Variants in SNX29 observed in about 807,000 individuals in gnomAD.
The protein encoded by SNX29 is sorting nexin 29.
Under a neutral mutation model 102.1 loss-of-function variants are expected in SNX29, and 78 were observed. The observed-to-expected ratio is 0.76, with a 90% CI of 0.64 to 0.92. The LOEUF (loss-of-function observed/expected upper bound fraction) is 0.92, where lower values mean the gene tolerates loss of function less well. Among genes scored for constraint, SNX29 ranks in the 40% least tolerant of loss-of-function variants. The probability of loss-of-function intolerance (pLI) is 0.00; values close to 1 mark genes in which losing one functional copy is unlikely to be tolerated. For synonymous variants in SNX29, 580 were observed against 414.5 expected, an observed-to-expected ratio of 1.40 and a Z score of -4.85; for missense variants, 1,280 against 1,061.7, an observed-to-expected ratio of 1.21 and a Z score of -2.86.
intron 20 of SNX29, among the ~76,000 whole-genome samples, chr16:12,544,863 G>A (rs534680959): frequency 1.3e-5 from 2 of 152,346 alleles, no homozygotes; most frequent in African/African-American, 2.4e-5. Context: ...TGCAGCCAGT[G>A]TCAACACAGC....
At chr16:12,557,442 A>ACCT (rs797002647) in intron 20 of SNX29, 2 of 151,886 alleles carry the variant, frequency 1.3e-5, no homozygotes, top group East Asian at 1.9e-4. Context: ...GCTCACTGCA[A>ACCT]CCTCCTCCTC....
chr16:12,356,483 C>T (rs534034532), intron 16 of SNX29, among the ~76,000 whole-genome samples: 1 of 152,256 alleles, frequency 6.6e-6, no homozygotes, highest in South Asian at 2.1e-4. Context: ...AGCAACATTT[C>T]CTGTTTCTCC....
chr16:12,051,883 A>G lies in SNX29; in HGVS notation c.785A>G (p.Lys262Arg). 6.2e-7 allele frequency: 1 copy of G among 1,613,224 alleles called. No individual in the cohort carries two copies. The highest frequency in any genetic ancestry group is 2.2e-5 in the East Asian group (1 of 44,872). The change falls in exon 8 of 21, where the codon AAA becomes AGA. Residue 262 changes from lysine (K) to arginine (R), a missense_variant. Transcript: ENST00000566228. ...AAAAAGGAGCGGAAGAAGAAAAAGA[A>G]AGTGACCAACATAATCTCATTTGAT... ...KCKKERKKKK[K>R]VTNIISFDDE...
intron 14 of SNX29, among the ~76,000 whole-genome samples, chr16:12,230,094 C>T (rs138785374): frequency 2.9e-4 from 44 of 152,254 alleles, no homozygotes; most frequent in Middle Eastern, 3.4e-3. Flanking sequence ...TGCATCAGCC[C>T]GGATTTAGCC....
chr16:12,168,958 C>A (rs115881094), intron 13 of SNX29, among the ~76,000 whole-genome samples: 2,666 of 152,252 alleles, frequency 0.018, 73 homozygotes, highest in African/African-American at 0.061. Context: ...CCCCTTCTGA[C>A]CTGCACGTGC....
At chr16:12,037,337 G>C (rs1385567918) in intron 4 of SNX29, among the ~76,000 whole-genome samples, 1 of 152,122 alleles carries the variant, frequency 6.6e-6, no homozygotes, top group Non-Finnish European at 1.5e-5. Context: ...TCCTGGAGGA[G>C]ACAAGGCCTC....
chr16:12,111,328 G>T (rs2053493569), intron 11 of SNX29, among the ~76,000 whole-genome samples: 1 of 152,172 alleles, frequency 6.6e-6, no homozygotes, highest in Non-Finnish European at 1.5e-5. Context: ...CCATGTTTTT[G>T]CTGTGGCCTG....
chr16:12,174,079 G>A (rs1261483058), intron 13 of SNX29, among the ~76,000 whole-genome samples: 2 of 152,168 alleles, frequency 1.3e-5, no homozygotes, highest in Admixed American at 6.5e-5. Flanking sequence ...ACTGCCCCCG[G>A]CCCCCTGTGC....
intron 19 of SNX29, among the ~76,000 whole-genome samples, 175 bp from the exon 20 acceptor site, chr16:12,524,527 C>T (rs1567653081): frequency 6.6e-6 from 1 of 150,384 alleles, no homozygotes; most frequent in African/African-American, 2.5e-5. Context: ...GAGCATCTTT[C>T]TTGTTATTAC....
chr16:12,549,500 G>T (rs1272071702), intron 20 of SNX29, among the ~76,000 whole-genome samples: 5 of 151,594 alleles, frequency 3.3e-5, no homozygotes, highest in Admixed American at 2.0e-4. Context: ...CACATACAAA[G>T]ATGTTCATGC....
intron 20 of SNX29, among the ~76,000 whole-genome samples, chr16:12,547,265 C>T (rs1238676706): frequency 6.6e-6 from 1 of 152,152 alleles, no homozygotes; most frequent in Non-Finnish European, 1.5e-5. Context: ...GGTCCTGCAG[C>T]CTTGAAGAGT....
At chr16:12,395,135 C>T (rs1196068066) in intron 16 of SNX29, among the ~76,000 whole-genome samples, 2 of 152,028 alleles carry the variant, frequency 1.3e-5, no homozygotes, top group Non-Finnish European at 2.9e-5. Context: ...TTTAAATAAA[C>T]ATTTATTCAG....
chr16:12,091,039 G>GAAAAAAAAAA (rs769027308), intron 11 of SNX29, among the ~76,000 whole-genome samples: 2 of 111,178 alleles, frequency 1.8e-5, no homozygotes, highest in African/African-American at 3.7e-5. Context: ...AAAAAAAAAA[G>GAAAAAAAAAA]AAAGAAAAAG....
rs540610868 is a variant in SNX29 at position 12,550,054 on chromosome 16, A to G, written c.2319-18452A>G. The stretch of plus-strand genomic sequence containing the variant: ...ATGGAATGCCTCCCTGGAGCCTAGT[A>G]TGTTTAGTCTCACCCTTTATAGGAA... On this transcript the variant is annotated intron_variant, in intron 20 of 20. Coordinates refer to ENST00000566228, the MANE Select transcript of SNX29 (RefSeq NM_032167.5). Among the ~76,000 whole-genome samples the G allele has an allele frequency of 7.9e-5, 12 of 152,356 alleles. No homozygotes were observed. In the East Asian group the frequency reaches 1.9e-3, roughly 24 times the overall value.
chr16:12,255,740 A>T (rs1035587991), intron 14 of SNX29, among the ~76,000 whole-genome samples: 8 of 152,146 alleles, frequency 5.3e-5, no homozygotes, highest in African/African-American at 1.9e-4. Flanking sequence ...GTAGCTTTCC[A>T]TTGTGTATAT....
At chr16:12,255,586 G>T (rs1484313701) in intron 14 of SNX29, among the ~76,000 whole-genome samples, 1 of 146,854 alleles carries the variant, frequency 6.8e-6, no homozygotes, top group Non-Finnish European at 1.5e-5. Flanking sequence ...TCTGCTCTCT[G>T]CTTCTATGCT....
At chr16:12,345,062 C>G (rs2081750386) in intron 15 of SNX29, among the ~76,000 whole-genome samples, 1 of 152,224 alleles carries the variant, frequency 6.6e-6, no homozygotes, top group Non-Finnish European at 1.5e-5. Context: ...CTGACCCTCC[C>G]ATAATCCATG....
chr16:12,270,390 T>G (rs968173172), intron 14 of SNX29, among the ~76,000 whole-genome samples: 1 of 152,232 alleles, frequency 6.6e-6, no homozygotes, highest in African/African-American at 2.4e-5. Context: ...TTGACGTTAC[T>G]CAGACTTTAA....
intron 14 of SNX29, among the ~76,000 whole-genome samples, chr16:12,263,533 T>C (rs1411064567): frequency 1.3e-5 from 2 of 152,168 alleles, no homozygotes; most frequent in Non-Finnish European, 2.9e-5. Flanking sequence ...TTATACTCTA[T>C]CCCTATTCCT....
Sources: gnomAD v4.1 joint callset for allele counts (sites outside exome capture counted in the v4.1 genomes callset) on GRCh38, gnomAD v4.1.1 for gene constraint, MANE v1.5 for transcripts, NCBI Gene and HGNC (gene_info 2026-07-23, HGNC 2026-07-21) for gene names.